Variants in SPIRE1 observed in about 807,000 individuals in gnomAD.
The protein encoded by SPIRE1 is protein spire homolog 1.
In SPIRE1, 40 loss-of-function variants were observed where a neutral mutation model predicts 94.1. That is an observed-to-expected ratio of 0.43 (90% confidence interval 0.33 to 0.55). The LOEUF (loss-of-function observed/expected upper bound fraction) is 0.55, where lower values mean the gene tolerates loss of function less well. SPIRE1 is among the 20% of genes least tolerant of loss of function. The pLI is 0.06. For synonymous variants in SPIRE1, 376 were observed against 371.7 expected (o/e 1.01, Z -0.13); for missense variants, 838 against 975.2 (o/e 0.86, Z 1.87).
chr18:12,529,713 T>C (rs1446618476), intron 4 of SPIRE1, among the ~76,000 whole-genome samples: 2 of 152,184 alleles, frequency 1.3e-5, no homozygotes, highest in Non-Finnish European at 2.9e-5. Flanking sequence ...TTAATTTGGG[T>C]GATGTTTATG....
chr18:12,651,662 G>C (rs2038384456), intron 1 of SPIRE1, among the ~76,000 whole-genome samples: 2 of 152,084 alleles, frequency 1.3e-5, no homozygotes, highest in African/African-American at 4.8e-5. Flanking sequence ...AACAGAGCGA[G>C]ACTCCATCTC....
intron 2 of SPIRE1, among the ~76,000 whole-genome samples, chr18:12,563,469 C>T (rs1412811502): frequency 6.6e-6 from 1 of 152,048 alleles, no homozygotes; most frequent in East Asian, 1.9e-4. Context: ...CTAGAAAACT[C>T]TCATATTTGC....
chr18:12,567,193 T>C (rs1385329149), intron 2 of SPIRE1, among the ~76,000 whole-genome samples: 1 of 152,104 alleles, frequency 6.6e-6, no homozygotes, highest in Non-Finnish European at 1.5e-5. Flanking sequence ...CAAGTAGAAT[T>C]TGAAATTAAA....
At chr18:12,634,985 G>A (rs2037883655) in intron 2 of SPIRE1, 77 bp downstream of exon 2, 1 of 744,084 alleles carries the variant, frequency 1.3e-6, no homozygotes, top group Admixed American at 2.7e-5. Context: ...CCTATAGTGA[G>A]ATAGTTCAGT....
intron 2 of SPIRE1, among the ~76,000 whole-genome samples, chr18:12,606,902 T>C (rs957288788): frequency 3.3e-5 from 5 of 152,228 alleles, no homozygotes; most frequent in African/African-American, 1.2e-4. Context: ...GCTGACTTAC[T>C]CTTATACCTG....
intron 6 of SPIRE1, among the ~76,000 whole-genome samples, chr18:12,500,500 T>A (rs1317247300): frequency 6.6e-6 from 1 of 152,154 alleles, no homozygotes; most frequent in Non-Finnish European, 1.5e-5. Flanking sequence ...GGGCCCCTCA[T>A]ACATTGCTGG....
chr18:12,473,505 GGTT>G (rs2032443054), intron 10 of SPIRE1, among the ~76,000 whole-genome samples: 2 of 152,086 alleles, frequency 1.3e-5, no homozygotes, highest in Non-Finnish European at 2.9e-5. Flanking sequence ...AAATACAGTA[GGTT>G]ATTACTGTGG....
At position 12,633,063 on chromosome 18, in the gene SPIRE1, A is replaced by G. The variant is rs1338223390; in HGVS notation, c.372+1999T>C. On this transcript the variant is annotated intron_variant, in intron 2 of 16. Coordinates refer to ENST00000409402, the MANE Select transcript of SPIRE1 (RefSeq NM_001128626.2). ...AGCTATGAGGTTAATACAAATTACC[A>G]TTAACATTTTATAGATAAGAAAGAC... Among the ~76,000 whole-genome samples the G allele has an allele frequency of 2.0e-5, 3 of 152,318 alleles. No individual in the cohort carries two copies. The East Asian group carries it at 5.8e-4, about 29-fold the overall frequency.
At chr18:12,520,673 G>C (rs2034332788) in intron 4 of SPIRE1, among the ~76,000 whole-genome samples, 1 of 152,162 alleles carries the variant, frequency 6.6e-6, no homozygotes, top group South Asian at 2.1e-4. Flanking sequence ...AAGACATCTG[G>C]TGGTGGATTT....
In SPIRE1 at chr18:12,615,542, C is replaced by CAA. The variant is rs71174108; in HGVS notation, c.372+19518_372+19519dup. 2.0e-4 allele frequency among the ~76,000 whole-genome samples: 15 copies of CAA among 75,796 alleles called. 1 individual carries two copies. The highest frequency in any genetic ancestry group is 1.6e-3 in the Admixed American group (11 of 6,908). The allele number at this position is 75,796 out of a possible 152,430, so 49.7% of individuals were successfully genotyped here. Reference sequence around the variant, plus strand: ...GCGACAGAGAGAGACTCTATCTCCACAAAAAAAAAAAAAATCCCAAATTTT... The same window carrying CAA: ...GCGACAGAGAGAGACTCTATCTCCACAAAAAAAAAAAAAAAATCCCAAATTTT... On this transcript the variant is annotated intron_variant, in intron 2 of 16. Transcript: ENST00000409402.
chr18:12,461,069 C>G (rs2031775638), intron 12 of SPIRE1, among the ~76,000 whole-genome samples: 1 of 152,096 alleles, frequency 6.6e-6, no homozygotes, highest in Non-Finnish European at 1.5e-5. Context: ...ATCTTGCTCT[C>G]CTTCCTGCTC....
chr18:12,475,071 A>G (rs1197080582), intron 10 of SPIRE1, among the ~76,000 whole-genome samples: 1 of 152,220 alleles, frequency 6.6e-6, no homozygotes, highest in African/African-American at 2.4e-5. Context: ...CCAGACATGC[A>G]GTAAGGAGCA....
chr18:12,504,954 G>C (rs1027311800), intron 6 of SPIRE1, among the ~76,000 whole-genome samples: 3 of 152,144 alleles, frequency 2.0e-5, no homozygotes, highest in African/African-American at 7.2e-5. Flanking sequence ...GCAGAGATCA[G>C]GGTGGCTAAC....
At chr18:12,580,859 T>C (rs1248598956) in intron 2 of SPIRE1, among the ~76,000 whole-genome samples, 1 of 152,070 alleles carries the variant, frequency 6.6e-6, no homozygotes, top group Admixed American at 6.5e-5. Flanking sequence ...CTTTCTTCAG[T>C]TGGAGAGAAA....
intron 2 of SPIRE1, among the ~76,000 whole-genome samples, chr18:12,594,449 T>C (rs997071183): frequency 1.3e-5 from 2 of 152,184 alleles, no homozygotes; most frequent in Non-Finnish European, 2.9e-5. Context: ...TTAAAACAAG[T>C]ATTTATTGAT....
At chr18:12,593,769 G>C (rs1485630148) in intron 2 of SPIRE1, among the ~76,000 whole-genome samples, 2 of 152,118 alleles carry the variant, frequency 1.3e-5, no homozygotes, top group African/African-American at 4.8e-5. Flanking sequence ...GATCAAAATG[G>C]AGAAACCCCA....
chr18:12,464,189 A>G (rs1598895435), intron 11 of SPIRE1, among the ~76,000 whole-genome samples: 1 of 152,216 alleles, frequency 6.6e-6, no homozygotes, highest in African/African-American at 2.4e-5. Context: ...AAACACAGAT[A>G]TAATTTCCAC....
At chr18:12,493,498 C>A (rs567709400) in intron 7 of SPIRE1, among the ~76,000 whole-genome samples, 2 of 152,228 alleles carry the variant, frequency 1.3e-5, no homozygotes, top group East Asian at 1.9e-4. Context: ...CCTCTGCCTC[C>A]CGGGTTCAAG....
chr18:12,495,241 A>C (rs1304986858), intron 7 of SPIRE1, among the ~76,000 whole-genome samples: 1 of 152,234 alleles, frequency 6.6e-6, no homozygotes, highest in African/African-American at 2.4e-5. Flanking sequence ...AAAAAGAAAT[A>C]AGGAACAGAA....
Sources: gnomAD v4.1 joint callset for allele counts (sites outside exome capture counted in the v4.1 genomes callset) on GRCh38, gnomAD v4.1.1 for gene constraint, MANE v1.5 for transcripts, NCBI Gene and HGNC (gene_info 2026-07-23, HGNC 2026-07-21) for gene names.